VCL: variants seen among roughly 807,000 people sequenced by gnomAD.
VCL encodes the protein vinculin.
Under a neutral mutation model 125.7 loss-of-function variants are expected in VCL, and 47 were observed. The observed-to-expected ratio is 0.37, with a 90% CI of 0.30 to 0.48. The LOEUF (loss-of-function observed/expected upper bound fraction) is 0.48. Ranked by LOEUF, VCL falls within the 20% of genes least tolerant of loss-of-function variation. VCL has a pLI of 0.99. For missense variants in VCL, 1,069 were observed against 1,455.5 expected (o/e 0.73, Z 4.32); for synonymous variants, 458 against 514.6 (o/e 0.89, Z 1.49).
chr10:74,102,114 C>T (rs1355175529), intron 14 of VCL, among the ~76,000 whole-genome samples: 2 of 152,096 alleles, frequency 1.3e-5, no homozygotes, highest in Admixed American at 6.6e-5. Flanking sequence ...ATCCGCCCAC[C>T]TCGGCCTCCC....
At chr10:74,086,931 G>A (rs1009825698) in intron 8 of VCL, among the ~76,000 whole-genome samples, 1 of 152,088 alleles carries the variant, frequency 6.6e-6, no homozygotes, top group Non-Finnish European at 1.5e-5. Flanking sequence ...TTACCCCCAT[G>A]AGACTCAATA....
chr10:74,100,042 A>AG (rs1339780336), intron 13 of VCL, among the ~76,000 whole-genome samples: 1 of 152,240 alleles, frequency 6.6e-6, no homozygotes, highest in Non-Finnish European at 1.5e-5. Flanking sequence ...AGGCAGCTCC[A>AG]GACATGTTCG....
chr10:73,998,954 C>T (rs1401671504), intron 1 of VCL, among the ~76,000 whole-genome samples: 2 of 152,158 alleles, frequency 1.3e-5, no homozygotes, highest in Non-Finnish European at 2.9e-5. Flanking sequence ...CTGTATTCCG[C>T]CCTTTTATTC....
Position 74,094,334 on chromosome 10 carries a change from C to A in VCL, c.1416C>A (p.Asn472Lys). 6.2e-7 allele frequency: 1 copy of A among 1,614,142 alleles called. No homozygotes were observed. The highest frequency in any genetic ancestry group is 2.2e-5 in the East Asian group (1 of 44,866). The change falls in exon 11 of 22, where the codon AAC becomes AAA. Residue 472 changes from asparagine (N) to lysine (K), a missense_variant. Around this residue, in one of 6 missense-constraint regions of VCL, gnomAD observed 760 missense variants for 928.9 expected, o/e 0.82. Transcript: ENST00000211998. The part of the protein sequence containing the change: ...LAKQVATALQ[N>K]LQTKTNRAVA... ...AACAGGTGGCCACGGCCCTGCAGAA[C>A]CTGCAGACCAAAACCAACCGGGCTG...
intron 19 of VCL, 150 bp downstream of exon 19, chr10:74,112,262 C>A: frequency 9.8e-7 from 1 of 1,019,624 alleles, no homozygotes; most frequent in Non-Finnish European, 1.5e-6. Flanking sequence ...TTAGGACTGG[C>A]TTCACAAGTT....
rs1013113991 is a variant in VCL at position 74,013,331 on chromosome 10, C to T, written c.168+14956C>T. 1.8e-4 allele frequency among the ~76,000 whole-genome samples: 28 copies of T among 152,056 alleles called. 2 individuals are homozygous for T. The highest frequency in any genetic ancestry group is 6.7e-4 in the African/African-American group (28 of 41,486). On this transcript the variant is annotated intron_variant, in intron 1 of 21. Transcript: ENST00000211998. ...GTTCTCTGAGTGAAAAAAATTTAGG[C>T]ACAGAGTCCTGGGGTGCAGATGGGG...
intron 1 of VCL, among the ~76,000 whole-genome samples, chr10:74,034,080 A>G (rs1171753725): frequency 2.6e-5 from 4 of 152,230 alleles, no homozygotes; most frequent in Admixed American, 6.5e-5. Flanking sequence ...TATGTAAGTA[A>G]TATTTGTTGA....
chr10:74,058,170 G>T (rs760720128), intron 2 of VCL, among the ~76,000 whole-genome samples: 15 of 152,178 alleles, frequency 9.9e-5, no homozygotes, highest in Non-Finnish European at 2.1e-4. Context: ...GGGCCAGACT[G>T]GTTGGAGATG....
chr10:74,121,304 C>T (rs1010161387), downstream of VCL: 4 of 152,156 alleles, frequency 2.6e-5, no homozygotes, highest in African/African-American at 7.2e-5. Flanking sequence ...TTCTGTAGCA[C>T]CACTTAAGGA....
Position 74,111,946 on chromosome 10 carries a change from T to C in VCL, c.2783T>C (p.Val928Ala). 8.1e-6 allele frequency: 13 copies of C among 1,614,230 alleles called. No individual in the cohort carries two copies. Among genetic ancestry groups the C allele is most frequent in the Non-Finnish European group, 1.1e-5 (13 of 1,180,036 alleles). ...GCCGCTGAGGTGGGTATAGGTGTTG[T>C]AGCTGAGGCAGATGCGGCCGATGCT... ...IPAAEVGIGV[V>A]AEADAADAAG... Residue 928 changes from valine (V) to alanine (A), a missense_variant, in exon 19 of 22, where the codon GTA becomes GCA. This residue lies in a region of VCL where 86 missense variants were observed against 91.0 expected (regional missense o/e 0.95). Coordinates refer to ENST00000211998, the MANE Select transcript of VCL (RefSeq NM_014000.3).
intron 1 of VCL, among the ~76,000 whole-genome samples, chr10:74,028,225 G>A (rs780867238): frequency 1.3e-4 from 20 of 151,760 alleles, no homozygotes; most frequent in Non-Finnish European, 2.6e-4. Context: ...ACAGGCAAGA[G>A]CCACCACACC....
intron 1 of VCL, among the ~76,000 whole-genome samples, chr10:74,024,130 G>T (rs562506038): frequency 6.6e-6 from 1 of 152,120 alleles, no homozygotes; most frequent in African/African-American, 2.4e-5. Context: ...TATTCTGCCT[G>T]TGGCTGCCTG....
Position 74,097,243 on chromosome 10 carries a change from G to A in VCL, c.1783G>A (p.Val595Met). 6.2e-7 allele frequency: 1 copy of A among 1,614,164 alleles called. No homozygotes were observed. The highest frequency in any genetic ancestry group is 8.5e-7 in the Non-Finnish European group (1 of 1,180,008). Residue 595 changes from valine to methionine, a missense_variant, in exon 13 of 22, where the codon GTG becomes ATG. Around this residue, in one of 6 missense-constraint regions of VCL, gnomAD observed 760 missense variants for 928.9 expected, o/e 0.82. Coordinates refer to ENST00000211998, the MANE Select transcript of VCL (RefSeq NM_014000.3). This position sits in a 1 kb window ranked among gnomAD's most constrained non-coding sequence, Gnocchi z 4.1. ...GATGCAGGAGGCCATGACTCAGGAA[G>A]TGTCAGATGTTTTCAGCGATACCAC... Reference protein sequence around the residue: ...ARMQEAMTQEVSDVFSDTTTP... With the variant: ...ARMQEAMTQEMSDVFSDTTTP...
In VCL at chr10:74,118,921, C is replaced by T. The variant is rs2131945247; in HGVS notation, c.*752C>T. On this transcript the variant is annotated 3_prime_UTR_variant, in exon 22 of 22. Coordinates refer to ENST00000211998, the MANE Select transcript of VCL (RefSeq NM_014000.3). ...AAACTTCCCGTCCCATATCCTGCCTCAGCCCGCCAAGGTAGCCATCCCATG... is the reference window on the plus strand; with the variant it reads ...AAACTTCCCGTCCCATATCCTGCCTTAGCCCGCCAAGGTAGCCATCCCATG... The T allele has an allele frequency of 6.5e-6, 1 of 153,560 alleles. No individual in the cohort carries two copies. Among genetic ancestry groups the T allele is most frequent in the East Asian group, 1.9e-4 (1 of 5,196 alleles). The allele number at this position is 153,560 out of a possible 1,614,324, so 9.5% of individuals were successfully genotyped here. A position where few individuals can be genotyped will look rare whatever the true frequency, so the allele number is the denominator to read the frequency against.
intron 1 of VCL, among the ~76,000 whole-genome samples, chr10:74,040,413 C>T (rs1051335905): frequency 6.6e-6 from 1 of 152,268 alleles, no homozygotes; most frequent in African/African-American, 2.4e-5. Context: ...CACGCTTGCT[C>T]TCTGTGTCTG....
intron 19 of VCL, 68 bp from the exon 20 acceptor site, chr10:74,114,116 T>A: frequency 6.3e-7 from 1 of 1,587,254 alleles, no homozygotes; most frequent in Non-Finnish European, 8.6e-7. Flanking sequence ...TTCTCTGTGC[T>A]TCTCCTTCCT....
intron 6 of VCL, among the ~76,000 whole-genome samples, chr10:74,079,437 C>G (rs1454187989): frequency 6.6e-6 from 1 of 152,166 alleles, no homozygotes; most frequent in Non-Finnish European, 1.5e-5. Context: ...CAGTTTTTCT[C>G]TCTTCTATTT....
intron 2 of VCL, 122 bp downstream of exon 2, chr10:74,043,275 CAACTTTTTTGTCTTCT>C: frequency 3.3e-6 from 3 of 903,348 alleles, no homozygotes; most frequent in Admixed American, 2.2e-5. Flanking sequence ...ATTGAAATTT[CAACTTTTTTGTCTTCT>C]AACTTTTTTA....
intron 6 of VCL, 168 bp downstream of exon 6, chr10:74,075,071 C>T (rs530874040): frequency 2.2e-5 from 19 of 881,032 alleles, no homozygotes; most frequent in Non-Finnish European, 3.0e-5. Flanking sequence ...TACTTGCTAT[C>T]TTTGCTAATT....
Sources: gnomAD v4.1 joint callset for allele counts (sites outside exome capture counted in the v4.1 genomes callset) on GRCh38, gnomAD v4.1.1 for gene constraint, gnomAD v4.1.1 regional missense constraint, Gnocchi (gnomAD v3.1) non-coding constraint, MANE v1.5 for transcripts, NCBI Gene and HGNC (gene_info 2026-07-23, HGNC 2026-07-21) for gene names.